ASAP2: variants seen among roughly 807,000 people sequenced by gnomAD.
The protein encoded by ASAP2 is ArfGAP with SH3 domain, ankyrin repeat and PH domain 2, also known as arf-GAP with SH3 domain, ANK repeat and PH domain-containing protein 2.
ASAP2 carries 45 observed loss-of-function variants against 131.4 expected under a neutral mutation model. That is an observed-to-expected ratio of 0.34 (90% confidence interval 0.27 to 0.44). The LOEUF (loss-of-function observed/expected upper bound fraction) is 0.44, where lower values mean the gene tolerates loss of function less well. Ranked by LOEUF, ASAP2 falls within the 20% of genes least tolerant of loss-of-function variation. The probability of loss-of-function intolerance (pLI) is 1.00; values close to 1 mark genes in which losing one functional copy is unlikely to be tolerated. For missense variants in ASAP2, 1,011 were observed against 1,297.0 expected (o/e 0.78, Z 3.39); for synonymous variants, 510 against 503.0 (o/e 1.01, Z -0.19).
intron 1 of ASAP2, among the ~76,000 whole-genome samples, chr2:9,276,232 A>G (rs1410294465): frequency 6.6e-6 from 1 of 152,200 alleles, no homozygotes; most frequent in East Asian, 1.9e-4. Context: ...AAAAGCTGAG[A>G]TGAGTACCTG....
chr2:9,360,487 A>G (rs1673006206), intron 15 of ASAP2, among the ~76,000 whole-genome samples: 1 of 152,200 alleles, frequency 6.6e-6, no homozygotes, highest in Non-Finnish European at 1.5e-5. Context: ...TTGCTAGATG[A>G]TAAACATTTA....
rs1402581088 is a variant in ASAP2 at position 9,400,042 on chromosome 2, C to A, written c.2704C>A (p.Leu902Met). Residue 902 changes from leucine to methionine, a missense_variant, in exon 25 of 28, where the codon CTG becomes ATG. This residue lies in a region of ASAP2 where 652 missense variants were observed against 698.9 expected (regional missense o/e 0.93). Transcript: ENST00000281419. ...PAPGADKSTP[L>M]TNKGQPRGPV... ...TTGTAGGGCTGACAAGTCCACCCCA[C>A]TGACCAACAAAGGCCAACCGAGAGG... 3.1e-6 allele frequency: 5 copies of A among 1,613,468 alleles called. No individual in the cohort carries two copies. In the East Asian group the frequency reaches 1.1e-4, roughly 36 times the overall value.
At chr2:9,246,530 A>G (rs990261123) in intron 1 of ASAP2, among the ~76,000 whole-genome samples, 1 of 152,130 alleles carries the variant, frequency 6.6e-6, no homozygotes. Flanking sequence ...GGGCTCAAAC[A>G]ATCAGCCTTG....
intron 16 of ASAP2, among the ~76,000 whole-genome samples, chr2:9,369,463 C>T (rs575489500): frequency 7.2e-5 from 11 of 152,208 alleles, no homozygotes; most frequent in South Asian, 6.2e-4. Flanking sequence ...AGTGGGTGTC[C>T]GGCTCGCCTT....
At chr2:9,325,524 A>G (rs755992125) in intron 6 of ASAP2, among the ~76,000 whole-genome samples, 5 of 152,194 alleles carry the variant, frequency 3.3e-5, no homozygotes, top group Non-Finnish European at 5.9e-5. Context: ...GTAGACATCT[A>G]TTTACCTAAA....
chr2:9,213,268 G>C (rs1434941493), intron 1 of ASAP2, among the ~76,000 whole-genome samples: 1 of 152,198 alleles, frequency 6.6e-6, no homozygotes, highest in Non-Finnish European at 1.5e-5. Context: ...AAAAGGCCCT[G>C]AAATGCCAAT....
In ASAP2 at chr2:9,400,829, C is replaced by T; in HGVS notation, c.2822C>T (p.Ala941Val). ...GCACCCATGCCTAGGAAGTCGCAGG[C>T]AGTAAGTGACGAGCCCCCTTTCCTG... is the stretch of plus-strand genomic sequence containing the variant. ...PPAPMPRKSQ[A>V]TKLKPKRVKA... Residue 941 changes from alanine to valine, a missense_variant and splice_region_variant, in exon 26 of 28, where the codon GCA becomes GTA. Transcript: ENST00000281419. The T allele has an allele frequency of 1.9e-6, 3 of 1,612,974 alleles. No individual in the cohort carries two copies. Among genetic ancestry groups the T allele is most frequent in the East Asian group, 2.2e-5 (1 of 44,854 alleles).
chr2:9,394,611 G>A (rs545118780), intron 24 of ASAP2, among the ~76,000 whole-genome samples: 2 of 152,236 alleles, frequency 1.3e-5, no homozygotes, highest in East Asian at 1.9e-4. Context: ...GGAAATATAC[G>A]CACATGTACA....
chr2:9,252,453 A>G (rs939105065), intron 1 of ASAP2, among the ~76,000 whole-genome samples: 1 of 152,072 alleles, frequency 6.6e-6, no homozygotes, highest in African/African-American at 2.4e-5. Flanking sequence ...ATGGTGGCAC[A>G]CGCCCAGCTA....
chr2:9,404,729 T>TAC lies in ASAP2; in HGVS notation c.*1402_*1403insAC, dbSNP rs1382095276. 1 of 144,730 alleles carries TAC rather than the reference T, an allele frequency of 6.9e-6. No homozygotes were observed. The highest frequency in any genetic ancestry group is 1.5e-5 in the Non-Finnish European group (1 of 67,486). 9.0% of individuals were successfully genotyped at this position (144,730 alleles called of 1,614,324 possible). A position where few individuals can be genotyped will look rare whatever the true frequency, so the allele number is the denominator to read the frequency against. Reference sequence around the variant, plus strand: ...GCAGCTTGTCTTTATTATGCAAGACTGTGTAGAGTTTTTTTTTTTTTTGGC... The same window carrying TAC: ...GCAGCTTGTCTTTATTATGCAAGACTACGTGTAGAGTTTTTTTTTTTTTTGGC... On this transcript the variant is annotated 3_prime_UTR_variant, in exon 28 of 28. Transcript: ENST00000281419.
chr2:9,341,193 G>A (rs1384986216), intron 9 of ASAP2, among the ~76,000 whole-genome samples: 1 of 152,170 alleles, frequency 6.6e-6, no homozygotes, highest in Non-Finnish European at 1.5e-5. Context: ...CCTTGGTCAT[G>A]TGAAAGGGCC....
Position 9,351,833 on chromosome 2 carries a change from C to G in ASAP2, c.1111+938C>G, listed in dbSNP as rs574472963. 2.6e-5 allele frequency among the ~76,000 whole-genome samples: 4 copies of G among 152,338 alleles called. No individual in the cohort carries two copies. The East Asian group carries it at 7.7e-4, about 29-fold the overall frequency. On this transcript the variant is annotated intron_variant, in intron 12 of 27. Transcript: ENST00000281419. ...TGCTCTTATCCTCCCTGTTCCCCTT[C>G]TCATACCCTCTGTGTGAATCTCTGG...
chr2:9,317,600 ACG>A (rs1669849132), intron 3 of ASAP2, among the ~76,000 whole-genome samples: 2 of 150,372 alleles, frequency 1.3e-5, no homozygotes, highest in African/African-American at 4.9e-5. Flanking sequence ...AATCACATTC[ACG>A]CACTCACATC....
At chr2:9,368,306 C>A in intron 15 of ASAP2, 119 bp from the exon 16 acceptor site, 1 of 909,806 alleles carries the variant, frequency 1.1e-6, no homozygotes, top group Non-Finnish European at 1.7e-6. Context: ...AAAGGCAAAC[C>A]ACTTTATTGC....
At chr2:9,352,664 T>C (rs1278002550) in intron 12 of ASAP2, among the ~76,000 whole-genome samples, 7 of 152,340 alleles carry the variant, frequency 4.6e-5, no homozygotes, top group South Asian at 2.1e-4. Flanking sequence ...GGGTGTGAGT[T>C]ACTGCAGCCC....
At chr2:9,256,461 A>G (rs1001355274) in intron 1 of ASAP2, among the ~76,000 whole-genome samples, 5 of 152,240 alleles carry the variant, frequency 3.3e-5, no homozygotes, top group African/African-American at 1.2e-4. Context: ...TATATGTTTC[A>G]GATGCTTCTT....
At chr2:9,233,435 C>G (rs1477940255) in intron 1 of ASAP2, among the ~76,000 whole-genome samples, 2 of 152,148 alleles carry the variant, frequency 1.3e-5, no homozygotes, top group Non-Finnish European at 2.9e-5. Flanking sequence ...TCAGAGAAAG[C>G]TTTTTGTAAA....
chr2:9,358,780 T>C lies in ASAP2; in HGVS notation c.1352T>C (p.Leu451Pro). 1.9e-6 allele frequency: 3 copies of C among 1,613,638 alleles called. No individual in the cohort carries two copies. The highest frequency in any genetic ancestry group is 2.5e-6 in the Non-Finnish European group (3 of 1,179,892). Residue 451 changes from leucine to proline, a missense_variant, in exon 15 of 28, where the codon CTG becomes CCG. By Grantham distance (98) the Leu-to-Pro change is moderately conservative (BLOSUM62 -3). This residue lies in a region of ASAP2 where 359 missense variants were observed against 598.1 expected (regional missense o/e 0.60). Transcript: ENST00000281419. ...APDPTWLSTN[L>P]GILTCIECSG... ...GATCCTACATGGCTTTCCACCAACC[T>C]GGGCATCCTGACCTGCATCGAGTGT...
chr2:9,324,876 CT>C (rs1314942292), intron 6 of ASAP2, among the ~76,000 whole-genome samples: 1 of 152,190 alleles, frequency 6.6e-6, no homozygotes. Context: ...GTTTGACAAT[CT>C]CTGCCTTTCG....
Sources: gnomAD v4.1 joint callset for allele counts (sites outside exome capture counted in the v4.1 genomes callset) on GRCh38, gnomAD v4.1.1 for gene constraint, gnomAD v4.1.1 regional missense constraint, MANE v1.5 for transcripts, NCBI Gene and HGNC (gene_info 2026-07-23, HGNC 2026-07-21) for gene names.